CEP112: variants seen among roughly 807,000 people sequenced by gnomAD.
CEP112 encodes centrosomal protein 112.
Under a neutral mutation model 153.0 loss-of-function variants are expected in CEP112, and 127 were observed. The observed-to-expected ratio is 0.83, with a 90% CI of 0.72 to 0.96. The LOEUF (loss-of-function observed/expected upper bound fraction) is 0.96. Among genes scored for constraint, CEP112 ranks in the 40% least tolerant of loss-of-function variants. The probability of loss-of-function intolerance (pLI) is 0.00; values close to 1 mark genes in which losing one functional copy is unlikely to be tolerated. For missense variants in CEP112, 1,089 were observed against 1,101.2 expected, an observed-to-expected ratio of 0.99 and a Z score of 0.16; for synonymous variants, 358 against 374.4, an observed-to-expected ratio of 0.96 and a Z score of 0.51.
At chr17:66,109,601 G>C (rs1277217896) in intron 6 of CEP112, among the ~76,000 whole-genome samples, 1 of 151,632 alleles carries the variant, frequency 6.6e-6, no homozygotes, top group Non-Finnish European at 1.5e-5. Context: ...CCTTTATAGA[G>C]CAAATAAGCT....
At chr17:65,690,921 A>G (rs958157605) in intron 23 of CEP112, among the ~76,000 whole-genome samples, 1 of 152,130 alleles carries the variant, frequency 6.6e-6, no homozygotes, top group African/African-American at 2.4e-5. Flanking sequence ...TTGTTGTCTG[A>G]AGAGCAGACT....
intron 17 of CEP112, among the ~76,000 whole-genome samples, chr17:65,996,539 G>A (rs1004969896): frequency 1.3e-5 from 2 of 152,124 alleles, no homozygotes; most frequent in African/African-American, 4.8e-5. Context: ...CCTTGTCCTG[G>A]CACATCTGAT....
At chr17:65,821,517 TATATATATATATATATATATATA>T (rs2056558238) in intron 21 of CEP112, among the ~76,000 whole-genome samples, 1 of 27,892 alleles carries the variant, frequency 3.6e-5, no homozygotes, top group South Asian at 2.0e-3. Context: ...TATATAATTA[TATATATATATATATATATATATA>T]TTTTTTTTTT....
chr17:66,092,157 A>G (rs2068161502), intron 8 of CEP112, among the ~76,000 whole-genome samples: 1 of 151,424 alleles, frequency 6.6e-6, no homozygotes, highest in Non-Finnish European at 1.5e-5. Flanking sequence ...CTCCTGCCTC[A>G]GCCTCCCAAG....
At chr17:65,681,385 T>C (rs756606249) in intron 24 of CEP112, among the ~76,000 whole-genome samples, 1 of 152,014 alleles carries the variant, frequency 6.6e-6, no homozygotes, top group Non-Finnish European at 1.5e-5. Context: ...CTCTATGCTC[T>C]TCTTTGTCAA....
intron 18 of CEP112, among the ~76,000 whole-genome samples, chr17:65,950,554 G>A (rs2061788754): frequency 6.6e-6 from 1 of 151,940 alleles, no homozygotes; most frequent in African/African-American, 2.4e-5. Context: ...ATAAAAGTGT[G>A]ATTTTTACAT....
At chr17:65,808,534 G>C (rs1447025252) in intron 21 of CEP112, among the ~76,000 whole-genome samples, 1 of 152,134 alleles carries the variant, frequency 6.6e-6, no homozygotes, top group Non-Finnish European at 1.5e-5. Context: ...TCACGTGTCA[G>C]GGGAGGGGCC....
intron 21 of CEP112, among the ~76,000 whole-genome samples, chr17:65,789,696 T>TCATCTCCTC (rs71361246): frequency 0.6 from 90,630 of 151,412 alleles, 27,855 homozygotes; most frequent in Non-Finnish European, 0.67. Context: ...CATTTGAACA[T>TCATCTCCTC]CAGGAAGTCT....
intron 23 of CEP112, among the ~76,000 whole-genome samples, chr17:65,741,880 A>C (rs1186389720): frequency 1.3e-5 from 2 of 152,146 alleles, no homozygotes; most frequent in Non-Finnish European, 2.9e-5. Flanking sequence ...TAAATGAAAA[A>C]AACTTGAAAG....
intron 19 of CEP112, among the ~76,000 whole-genome samples, chr17:65,927,286 C>A (rs965616036): frequency 1.3e-5 from 2 of 152,270 alleles, no homozygotes; most frequent in East Asian, 3.9e-4. Context: ...TTCTGCACAA[C>A]CTGCAGAACT....
At chr17:66,110,925 C>G (rs1380264070) in intron 6 of CEP112, among the ~76,000 whole-genome samples, 1 of 152,072 alleles carries the variant, frequency 6.6e-6, no homozygotes, top group African/African-American at 2.4e-5. Context: ...AGAGAGTAAA[C>G]AGACAACCTA....
chr17:66,031,356 A>G (rs946661118), intron 12 of CEP112, among the ~76,000 whole-genome samples: 15 of 152,310 alleles, frequency 9.8e-5, no homozygotes, highest in African/African-American at 3.4e-4. Flanking sequence ...AAAAATAGAA[A>G]TGCAAATTCC....
intron 24 of CEP112, chr17:65,655,238 C>T (rs986656574): frequency 1.3e-5 from 12 of 912,678 alleles, no homozygotes; most frequent in East Asian, 4.8e-5. Context: ...GAAGTCATCC[C>T]GGAGAATACG....
At chr17:65,809,819 G>A (rs1327101541) in intron 21 of CEP112, among the ~76,000 whole-genome samples, 3 of 151,710 alleles carry the variant, frequency 2.0e-5, no homozygotes, top group African/African-American at 7.2e-5. Flanking sequence ...CAATGAGACT[G>A]CACAAGATGA....
intron 17 of CEP112, among the ~76,000 whole-genome samples, chr17:66,004,932 G>A (rs375899828): frequency 4.6e-5 from 7 of 152,244 alleles, no homozygotes; most frequent in South Asian, 4.1e-4. Flanking sequence ...GTCAGTCACC[G>A]TATTGACCTT....
chr17:65,976,653 A>G (rs2063043430), intron 17 of CEP112, among the ~76,000 whole-genome samples: 1 of 151,838 alleles, frequency 6.6e-6, no homozygotes, highest in South Asian at 2.1e-4. Flanking sequence ...TCTTAAAAAG[A>G]TCTTTTTAAA....
intron 24 of CEP112, among the ~76,000 whole-genome samples, chr17:65,649,111 C>CACACACACAT: frequency 7.1e-6 from 1 of 140,784 alleles, no homozygotes; most frequent in Non-Finnish European, 1.6e-5. Context: ...CACACACACA[C>CACACACACAT]ACACACACTG....
At chr17:65,696,746 C>T (rs1598338112) in intron 23 of CEP112, among the ~76,000 whole-genome samples, 1 of 152,054 alleles carries the variant, frequency 6.6e-6, no homozygotes, top group East Asian at 1.9e-4. Flanking sequence ...GATGGCGGAT[C>T]TGTGTACTCT....
chr17:66,164,652 T>C (rs541377795), intron 4 of CEP112, among the ~76,000 whole-genome samples: 10 of 150,512 alleles, frequency 6.6e-5, no homozygotes, highest in Admixed American at 4.0e-4. Flanking sequence ...CGTCAGGCAT[T>C]CAAGACCAGC....
Sources: allele counts gnomAD v4.1 joint callset (sites outside exome capture counted in the v4.1 genomes callset), GRCh38; gene constraint gnomAD v4.1.1; transcripts MANE v1.5; gene names NCBI Gene and HGNC (gene_info 2026-07-23, HGNC 2026-07-21).